Variants in MED23 observed in about 807,000 individuals in gnomAD.
MED23 encodes mediator of RNA polymerase II transcription subunit 23.
MED23 carries 105 observed loss-of-function variants against 163.9 expected under a neutral mutation model. The ratio of observed to expected loss-of-function variants is 0.64; its 90% confidence interval spans 0.55 to 0.75. The LOEUF is 0.75. Among genes scored for constraint, MED23 ranks in the 30% least tolerant of loss-of-function variants. The probability of loss-of-function intolerance (pLI) is 0.00; values close to 1 mark genes in which losing one functional copy is unlikely to be tolerated. For missense variants in MED23, 1,054 were observed against 1,649.0 expected (o/e 0.64, Z 6.25); for synonymous variants, 561 against 565.6 (o/e 0.99, Z 0.12).
Position 131,628,095 on chromosome 6 carries a change from A to C in MED23, c.-46T>G. 6.2e-7 allele frequency: 1 copy of C among 1,609,142 alleles called. No homozygotes were observed. The highest frequency in any genetic ancestry group is 8.5e-7 in the Non-Finnish European group (1 of 1,176,340). ...TTCCAGGGTGCCCGGCAAGGCCCGG[A>C]TCAGACTCGAGCTCTGGGAATATAG... On this transcript the variant is annotated 5_prime_UTR_variant, in exon 1 of 29. Coordinates refer to ENST00000368068, the MANE Select transcript of MED23 (RefSeq NM_004830.4).
At chr6:131,602,813 C>T (rs1250723551) in intron 16 of MED23, among the ~76,000 whole-genome samples, 1 of 151,842 alleles carries the variant, frequency 6.6e-6, no homozygotes, top group African/African-American at 2.4e-5. Flanking sequence ...GTCCAAAGAT[C>T]CTGAAGGAAG....
intron 30 of MED23, among the ~76,000 whole-genome samples, chr6:131,579,951 T>A (rs1289692419): frequency 6.6e-6 from 1 of 152,162 alleles, no homozygotes; most frequent in African/African-American, 2.4e-5. Context: ...ATAAGCATCA[T>A]AAGCATCAGT....
chr6:131,623,264 C>T, intron 5 of MED23, 87 bp downstream of exon 5: 1 of 1,056,394 alleles, frequency 9.5e-7, no homozygotes. Context: ...GCTTCCACAT[C>T]ATTTCTCTCA....
At chr6:131,592,111 T>G in intron 25 of MED23, 1 of 472,976 alleles carries the variant, frequency 2.1e-6, no homozygotes, top group Non-Finnish European at 3.8e-6. Flanking sequence ...CAAGCTATTA[T>G]GTAAAAACTA....
intron 17 of MED23, among the ~76,000 whole-genome samples, chr6:131,600,688 T>A (rs367913312): frequency 1.2e-4 from 18 of 152,338 alleles, no homozygotes; most frequent in African/African-American, 4.3e-4. Flanking sequence ...GTAGACCTCT[T>A]GGGGATTCCC....
intron 9 of MED23, 58 bp from the exon 10 acceptor site, chr6:131,616,060 T>C (rs1329787330): frequency 7.3e-7 from 1 of 1,371,412 alleles, no homozygotes; most frequent in African/African-American, 1.4e-5. Context: ...TAATCCAAAT[T>C]ATTAGAAATG....
intron 30 of MED23, chr6:131,576,791 G>C (rs1773634607): frequency 6.8e-7 from 1 of 1,479,390 alleles, no homozygotes; most frequent in South Asian, 1.1e-5. Context: ...CTGAAGGAAA[G>C]AGCAGGCCCC....
In MED23 at chr6:131,606,602, T is replaced by TG. The variant is rs1486171350; in HGVS notation, c.1243_1244insC (p.Asn415ThrfsTer20). On this transcript the variant is annotated frameshift_variant, in exon 13 of 29. Transcript: ENST00000368068. LOFTEE classifies it high-confidence loss of function. ...AAAGGCATGGGTTGACTGGGGTTTG[T>TG]TAATATCAGGAACTGGGATATACTG... The TG allele has an allele frequency of 6.2e-7, 1 of 1,612,184 alleles. No homozygotes were observed. The highest frequency in any genetic ancestry group is 8.5e-7 in the Non-Finnish European group (1 of 1,178,438).
chr6:131,576,260 G>A (rs1156597594), intron 30 of MED23, among the ~76,000 whole-genome samples: 1 of 152,162 alleles, frequency 6.6e-6, no homozygotes, highest in Non-Finnish European at 1.5e-5. Flanking sequence ...CAGCTTATGA[G>A]GGACTCAAAG....
rs757405116 is a variant in MED23, at chr6:131,592,981, T to C, written c.3398+25A>G. On this transcript the variant is annotated intron_variant, in intron 24 of 28. Transcript: ENST00000368068. ...TCTATTTACAAATAAACAACAAATC[T>C]TACTGCATGAACCAGAATACATACC... The C allele has an allele frequency of 6.8e-6, 11 of 1,613,496 alleles. No homozygotes were observed. In the Admixed American group the frequency reaches 1.3e-4, roughly 20 times the overall value.
chr6:131,616,229 A>T (rs557870475), intron 9 of MED23, among the ~76,000 whole-genome samples: 1 of 152,244 alleles, frequency 6.6e-6, no homozygotes. Flanking sequence ...CCAAGGTCAT[A>T]CAGAGGGTAA....
chr6:131,584,816 T>TACACACACAC (rs59196638), downstream of MED23, among the ~76,000 whole-genome samples: 739 of 134,122 alleles, frequency 5.5e-3, 8 homozygotes, highest in African/African-American at 0.017. Flanking sequence ...CTACAAAAAA[T>TACACACACAC]ACACACACAC....
Position 131,624,885 on chromosome 6 carries a change from C to A in MED23, c.264G>T (p.Glu88Asp), listed in dbSNP as rs1358405036. The change falls in exon 4 of 29, where the codon GAG becomes GAT. Residue 88 changes from glutamate to aspartate, a missense_variant. Around this residue, in one of 11 missense-constraint regions of MED23, gnomAD observed 227 missense variants for 235.5 expected, o/e 0.96. Transcript: ENST00000368068. ...CGTACCTGGGTGGAAGGAGACCAGT[C>A]TCAACTGCCATTGCTAAGCAGTCAT... Reference protein sequence around the residue: ...FLYDCLAMAVETGLLPPRLVC... With the variant: ...FLYDCLAMAVDTGLLPPRLVC... The A allele has an allele frequency of 2.5e-6, 4 of 1,613,806 alleles. No individual in the cohort carries two copies. Among genetic ancestry groups the A allele is most frequent in the Non-Finnish European group, 3.4e-6 (4 of 1,179,998 alleles).
intron 30 of MED23, chr6:131,574,360 T>C: frequency 1.3e-6 from 2 of 1,583,644 alleles, no homozygotes; most frequent in East Asian, 2.2e-5. Flanking sequence ...TGTCAGTAAA[T>C]ACTACTTTGC....
chr6:131,619,360 A>G (rs1332062824), intron 8 of MED23, among the ~76,000 whole-genome samples: 1 of 152,210 alleles, frequency 6.6e-6, no homozygotes, highest in Non-Finnish European at 1.5e-5. Flanking sequence ...CACTGCAAAA[A>G]TTGCCAAATC....
chr6:131,607,318 G>A (rs2114680899), intron 12 of MED23, among the ~76,000 whole-genome samples: 1 of 151,904 alleles, frequency 6.6e-6, no homozygotes, highest in East Asian at 2.0e-4. Flanking sequence ...AATTTTCTGG[G>A]CAGATCACCT....
chr6:131,594,338 G>T lies in MED23; in HGVS notation c.2996-3C>A. On this transcript the variant is annotated splice_region_variant and splice_polypyrimidine_tract_variant and intron_variant, in intron 22 of 28. Transcript: ENST00000368068. ...ATACAGATAAGTCACTGGACGATCT[G>T]CCAAGAAAAAAACATACCACCACAA... The T allele has an allele frequency of 6.2e-7, 1 of 1,605,248 alleles. No homozygotes were observed. The highest frequency in any genetic ancestry group is 8.5e-7 in the Non-Finnish European group (1 of 1,171,994).
Position 131,578,072 on chromosome 6 carries a change from G to T in MED23, c.4096-3777C>A, listed in dbSNP as rs1450278039. On this transcript the variant is annotated intron_variant, in intron 30 of 30. Transcript: ENST00000354577. ...AAGAAAGCAGATCAGCAGTTCCTGG[G>T]GTTGGGGGCAAGAATTACCTCTAAA... 4.6e-5 allele frequency among the ~76,000 whole-genome samples: 7 copies of T among 152,040 alleles called. No individual in the cohort carries two copies. The East Asian group carries it at 9.7e-4, about 21-fold the overall frequency.
Position 131,586,997 on chromosome 6 carries a change from T to C in MED23, c.*682A>G. Reference sequence around the variant, plus strand: ...AATTGGAGAATCAACCATTTAAGCATGATTTTAAGTTCAAGAATTTTCAGA... The same window carrying C: ...AATTGGAGAATCAACCATTTAAGCACGATTTTAAGTTCAAGAATTTTCAGA... On this transcript the variant is annotated 3_prime_UTR_variant, in exon 29 of 29. Coordinates refer to ENST00000368068, the MANE Select transcript of MED23 (RefSeq NM_004830.4). 3 of 1,462,778 alleles carry C rather than the reference T, an allele frequency of 2.1e-6. No homozygotes were observed. The highest frequency in any genetic ancestry group is 2.5e-5 in the East Asian group (1 of 39,450). The allele number at this position is 1,462,778 out of a possible 1,614,324, so 90.6% of individuals were successfully genotyped here.
Sources: gnomAD v4.1 joint callset for allele counts (sites outside exome capture counted in the v4.1 genomes callset) on GRCh38, gnomAD v4.1.1 for gene constraint, gnomAD v4.1.1 regional missense constraint, MANE v1.5 for transcripts, NCBI Gene and HGNC (gene_info 2026-07-23, HGNC 2026-07-21) for gene names.